The following PACRG variants were observed in gnomAD, a reference collection of about 807,000 sequenced individuals.
PACRG encodes the protein parkin coregulated gene protein.
PACRG carries 29 observed loss-of-function variants against 29.7 expected under a neutral mutation model. The ratio of observed to expected loss-of-function variants is 0.98; its 90% confidence interval spans 0.73 to 1.33. The LOEUF is 1.33. Ranked by LOEUF, PACRG falls within the 40% of genes most tolerant of loss-of-function variation. The probability of loss-of-function intolerance (pLI) is 0.00; values close to 1 mark genes in which losing one functional copy is unlikely to be tolerated. For synonymous variants in PACRG, 116 were observed against 118.7 expected, an observed-to-expected ratio of 0.98 and a Z score of 0.15; for missense variants, 279 against 316.2, an observed-to-expected ratio of 0.88 and a Z score of 0.89.
intron 2 of PACRG, among the ~76,000 whole-genome samples, chr6:162,879,562 A>C (rs1381811949): frequency 1.3e-5 from 2 of 152,242 alleles, no homozygotes; most frequent in African/African-American, 4.8e-5. Flanking sequence ...CAGATTTTTA[A>C]ATCAATCCAA....
chr6:162,788,676 G>C (rs1351341212), intron 1 of PACRG, among the ~76,000 whole-genome samples: 1 of 152,158 alleles, frequency 6.6e-6, no homozygotes, highest in East Asian at 1.9e-4. Context: ...AGCATTTGTG[G>C]TTGTTAGTGT....
intron 4 of PACRG, among the ~76,000 whole-genome samples, chr6:163,140,279 A>T (rs1469439660): frequency 6.6e-6 from 1 of 152,162 alleles, no homozygotes; most frequent in Non-Finnish European, 1.5e-5. Flanking sequence ...GTAGGCAGTG[A>T]GGGGGCCTGA....
In PACRG at chr6:162,747,360, A is replaced by G. The variant is rs1283667269; in HGVS notation, c.156+18969A>G. 1.8e-3 allele frequency among the ~76,000 whole-genome samples: 112 copies of G among 61,362 alleles called. 5 individuals are homozygous for G. Among genetic ancestry groups the G allele is most frequent in the African/African-American group, 9.0e-3 (98 of 10,904 alleles). The allele number at this position is 61,362 out of a possible 152,430, so 40.3% of individuals were successfully genotyped here. ...TATATATATATATATATATATATAT[A>G]TATACACATACATATATATGTATAT... On this transcript the variant is annotated intron_variant, in intron 1 of 4. Transcript: ENST00000366888.
intron 2 of PACRG, among the ~76,000 whole-genome samples, chr6:162,877,303 G>A (rs1793443763): frequency 2.6e-5 from 4 of 152,140 alleles, no homozygotes. Flanking sequence ...GATGAAGCCA[G>A]AAACCATCAT....
intron 4 of PACRG, among the ~76,000 whole-genome samples, chr6:163,275,599 A>T (rs1039680544): frequency 1.6e-4 from 24 of 152,180 alleles, no homozygotes; most frequent in South Asian, 8.3e-4. Flanking sequence ...GTTTGTATAG[A>T]TATTTCTCCA....
intron 2 of PACRG, among the ~76,000 whole-genome samples, chr6:162,831,322 C>T (rs1877770): frequency 0.065 from 9,821 of 152,062 alleles, 462 homozygotes; most frequent in East Asian, 0.26. Flanking sequence ...ATATTTCATT[C>T]GACAAGTACT....
rs116645426 is a variant in PACRG, at chr6:163,143,603, G to A, written c.613+54195G>A. Among the ~76,000 whole-genome samples the A allele has an allele frequency of 4.2e-3, 636 of 152,294 alleles. 7 individuals are homozygous for A. The highest frequency in any genetic ancestry group is 0.015 in the African/African-American group (616 of 41,562). On this transcript the variant is annotated intron_variant, in intron 4 of 4. Coordinates refer to ENST00000366888, the MANE Select transcript of PACRG (RefSeq NM_001080379.2). Reference sequence around the variant, plus strand: ...TGCCAATGCATAACACACAATTCATGTAGTTACTCTGTGTGTACATATACA... The same window carrying A: ...TGCCAATGCATAACACACAATTCATATAGTTACTCTGTGTGTACATATACA...
chr6:163,065,826 A>G (rs1454903986), intron 3 of PACRG, among the ~76,000 whole-genome samples: 2 of 152,246 alleles, frequency 1.3e-5, no homozygotes, highest in East Asian at 1.9e-4. Context: ...AAATCTCCAT[A>G]GAAGTATAGA....
intron 4 of PACRG, among the ~76,000 whole-genome samples, chr6:163,150,429 C>T: frequency 6.6e-6 from 1 of 152,176 alleles, no homozygotes; most frequent in East Asian, 1.9e-4. Flanking sequence ...CTTCCTGCTC[C>T]CTCGCCTGTG....
chr6:163,067,260 G>A (rs1455818898), intron 3 of PACRG, among the ~76,000 whole-genome samples: 1 of 152,242 alleles, frequency 6.6e-6, no homozygotes, highest in Non-Finnish European at 1.5e-5. Flanking sequence ...GGTCGATGCT[G>A]TTGCTGCCGG....
In PACRG at chr6:162,874,819, G is replaced by A. The variant is rs931428848; in HGVS notation, c.291+60538G>A. Reference sequence around the variant, plus strand: ...ATCACACACAAAGTCACATTCATACGACTCGCACACATTCACACTCACATT... The same window carrying A: ...ATCACACACAAAGTCACATTCATACAACTCGCACACATTCACACTCACATT... On this transcript the variant is annotated intron_variant, in intron 2 of 4. Transcript: ENST00000366888. Among the ~76,000 whole-genome samples, 9 of 151,388 alleles carry A rather than the reference G, an allele frequency of 5.9e-5. No homozygotes were observed. In the East Asian group the frequency reaches 7.8e-4, roughly 13 times the overall value.
At chr6:162,938,468 A>G (rs998745377) in intron 2 of PACRG, among the ~76,000 whole-genome samples, 2 of 152,040 alleles carry the variant, frequency 1.3e-5, no homozygotes. Context: ...TCTTTAAGGA[A>G]CTGCCACACT....
chr6:162,786,509 C>G (rs913612556), intron 1 of PACRG, among the ~76,000 whole-genome samples: 1 of 152,150 alleles, frequency 6.6e-6, no homozygotes, highest in African/African-American at 2.4e-5. Flanking sequence ...TATGGGCAAC[C>G]ATCTATTATC....
intron 4 of PACRG, among the ~76,000 whole-genome samples, chr6:163,131,840 A>G (rs972700051): frequency 1.3e-5 from 2 of 152,236 alleles, no homozygotes; most frequent in Admixed American, 1.3e-4. Flanking sequence ...TCCCTTGCAT[A>G]ACCCCTACCA....
chr6:162,958,876 TATATATATAGAG>T (rs1340392411), intron 2 of PACRG, among the ~76,000 whole-genome samples: 37 of 30,008 alleles, frequency 1.2e-3, no homozygotes, highest in African/African-American at 2.8e-3. Context: ...TATATATATA[TATATATATAGAG>T]AGAGAGAGAG....
chr6:163,086,658 A>T (rs965329603), intron 3 of PACRG, among the ~76,000 whole-genome samples: 11 of 152,070 alleles, frequency 7.2e-5, no homozygotes, highest in Admixed American at 2.6e-4. Context: ...ACATTTTTTT[A>T]AAAAACTTCC....
At chr6:163,248,328 T>A (rs562297591) in intron 4 of PACRG, among the ~76,000 whole-genome samples, 1 of 152,148 alleles carries the variant, frequency 6.6e-6, no homozygotes, top group Admixed American at 6.5e-5. Flanking sequence ...CATAGCCAGA[T>A]GACCATCCTT....
At chr6:162,775,401 A>G (rs1371225350) in intron 1 of PACRG, among the ~76,000 whole-genome samples, 1 of 152,224 alleles carries the variant, frequency 6.6e-6, no homozygotes, top group Non-Finnish European at 1.5e-5. Flanking sequence ...TTTGACAAAG[A>G]TAATTGCGTA....
intron 4 of PACRG, among the ~76,000 whole-genome samples, chr6:163,148,573 C>T (rs565622365): frequency 6.6e-6 from 1 of 152,266 alleles, no homozygotes; most frequent in South Asian, 2.1e-4. Context: ...CCATACATTC[C>T]TCTTCAGACT....
Sources: allele counts gnomAD v4.1 joint callset (sites outside exome capture counted in the v4.1 genomes callset), GRCh38; gene constraint gnomAD v4.1.1; transcripts MANE v1.5; gene names NCBI Gene and HGNC (gene_info 2026-07-23, HGNC 2026-07-21).